The following CAB39L variants were observed in gnomAD, a reference collection of about 807,000 sequenced individuals.
CAB39L encodes calcium-binding protein 39-like.
Under a neutral mutation model 39.1 loss-of-function variants are expected in CAB39L, and 23 were observed. That is an observed-to-expected ratio of 0.59 (90% CI 0.42 to 0.83). The LOEUF is 0.83. Ranked by LOEUF, CAB39L falls within the 40% of genes least tolerant of loss-of-function variation. CAB39L has a pLI of 0.00. For missense variants in CAB39L, 366 were observed against 391.9 expected (o/e 0.93, Z 0.56); for synonymous variants, 126 against 137.2 (o/e 0.92, Z 0.57).
At chr13:49,331,911 G>C (rs773433800) in intron 10 of CAB39L, 36 bp downstream of exon 10, 10 of 1,604,788 alleles carry the variant, frequency 6.2e-6, no homozygotes, top group Non-Finnish European at 7.7e-6. Context: ...AAAAAAAATT[G>C]CCTACAACAT....
intron 9 of CAB39L, among the ~76,000 whole-genome samples, chr13:49,338,540 T>C (rs1047056195): frequency 2.0e-5 from 3 of 150,626 alleles, no homozygotes; most frequent in Non-Finnish European, 4.4e-5. Context: ...TTGGGAGATA[T>C]ACCTAATGCT....
chr13:49,316,665 C>T (rs554187320), intron 10 of CAB39L, among the ~76,000 whole-genome samples: 8 of 152,194 alleles, frequency 5.3e-5, no homozygotes, highest in African/African-American at 7.2e-5. Flanking sequence ...AAGGGTGGTT[C>T]AACATAAGCA....
chr13:49,332,123 T>C, intron 9 of CAB39L, 33 bp from the exon 10 acceptor site: 2 of 1,603,436 alleles, frequency 1.2e-6, no homozygotes, highest in Non-Finnish European at 1.7e-6. Context: ...AGCTGTAATC[T>C]CAGAGCCACC....
intron 10 of CAB39L, among the ~76,000 whole-genome samples, chr13:49,314,271 C>A (rs1323849173): frequency 6.6e-6 from 1 of 152,006 alleles, no homozygotes; most frequent in Non-Finnish European, 1.5e-5. Context: ...GTGTGTCCAC[C>A]AGCAAAGTTT....
At chr13:49,341,340 G>A (rs1298465686) in intron 8 of CAB39L, among the ~76,000 whole-genome samples, 3 of 151,528 alleles carry the variant, frequency 2.0e-5, no homozygotes, top group Non-Finnish European at 4.4e-5. Context: ...TGCAACCTCC[G>A]CCTCCCGGGT....
intron 3 of CAB39L, among the ~76,000 whole-genome samples, chr13:49,407,315 T>C (rs1956901277): frequency 6.6e-6 from 1 of 152,202 alleles, no homozygotes; most frequent in South Asian, 2.1e-4. Context: ...CTCCTCCACC[T>C]CAGCAGTCAT....
At chr13:49,375,221 C>T (rs1489274185) in intron 5 of CAB39L, among the ~76,000 whole-genome samples, 3 of 151,764 alleles carry the variant, frequency 2.0e-5, no homozygotes, top group African/African-American at 7.3e-5. Context: ...GCAGTAAGTT[C>T]GTATTATTCC....
intron 10 of CAB39L, among the ~76,000 whole-genome samples, chr13:49,313,520 T>C (rs1954061640): frequency 6.6e-6 from 1 of 151,524 alleles, no homozygotes; most frequent in Non-Finnish European, 1.5e-5. Context: ...AGGTCCTACC[T>C]CCCAGATACG....
In CAB39L at chr13:49,443,917, G is replaced by A. The variant is rs527566910; in HGVS notation, c.-246+69C>T. The A allele has an allele frequency of 3.1e-4, 143 of 456,662 alleles. 2 individuals carry two copies. The highest frequency in any genetic ancestry group is 1.9e-3 in the South Asian group (122 of 64,566). 28.3% of individuals were successfully genotyped at this position (456,662 alleles called of 1,614,324 possible). A position where few individuals can be genotyped will look rare whatever the true frequency, so the allele number is the denominator to read the frequency against. On this transcript the variant is annotated intron_variant, in intron 1 of 10. Coordinates refer to ENST00000409308, the MANE Select transcript of CAB39L (RefSeq NM_001079670.3). ...CCGGACCCCTCCACTACGGCCAGGC[G>A]CTATGTATGTTTTCAACCCCCAAGA... is the stretch of plus-strand genomic sequence containing the variant.
intron 3 of CAB39L, among the ~76,000 whole-genome samples, chr13:49,388,951 C>A (rs1307497479): frequency 6.6e-6 from 1 of 152,096 alleles, no homozygotes; most frequent in African/African-American, 2.4e-5. Flanking sequence ...ATCACCTCAC[C>A]CCAACAAAAG....
chr13:49,388,104 GAT>G (rs1422453180), intron 3 of CAB39L, among the ~76,000 whole-genome samples: 5 of 152,134 alleles, frequency 3.3e-5, no homozygotes, highest in African/African-American at 4.8e-5. Flanking sequence ...ATGAAGAAAA[GAT>G]ATAGAGTGTG....
intron 9 of CAB39L, among the ~76,000 whole-genome samples, chr13:49,337,202 A>G (rs1044989319): frequency 2.6e-5 from 4 of 152,352 alleles, no homozygotes; most frequent in East Asian, 3.9e-4. Flanking sequence ...GCATTGTTCT[A>G]TGAATGCCAT....
intron 5 of CAB39L, among the ~76,000 whole-genome samples, chr13:49,361,477 C>CAAAAAAAAA (rs33984866): frequency 3.3e-4 from 18 of 54,450 alleles, no homozygotes; most frequent in African/African-American, 4.8e-4. Context: ...GACTTCATCT[C>CAAAAAAAAA]AAAAAAAAAA....
chr13:49,438,808 T>C (rs370588501), intron 1 of CAB39L, among the ~76,000 whole-genome samples: 6 of 152,380 alleles, frequency 3.9e-5, no homozygotes, highest in African/African-American at 1.4e-4. Context: ...TTTCAACATA[T>C]GTTACATTTA....
chr13:49,431,415 A>C lies in CAB39L; in HGVS notation c.-32+1903T>G, dbSNP rs75343739. 6.1e-3 allele frequency among the ~76,000 whole-genome samples: 934 copies of C among 152,252 alleles called. 7 individuals are homozygous for C. The highest frequency in any genetic ancestry group is 0.02 in the African/African-American group (836 of 41,540). ...AAACGGTTTTAGCAGCTTCTTAAAA[A>C]ATAAAAAAAGGCTGGGCGTGGTGGC... is the stretch of plus-strand genomic sequence containing the variant. On this transcript the variant is annotated intron_variant, in intron 3 of 10. Coordinates refer to ENST00000409308, the MANE Select transcript of CAB39L (RefSeq NM_001079670.3).
chr13:49,435,438 G>A (rs1957393578), intron 1 of CAB39L, among the ~76,000 whole-genome samples: 1 of 152,094 alleles, frequency 6.6e-6, no homozygotes, highest in Non-Finnish European at 1.5e-5. Context: ...ATAACTTTTG[G>A]ATTTTGTTGA....
At position 49,339,681 on chromosome 13, in the gene CAB39L, A is replaced by G; in HGVS notation, c.686T>C (p.Leu229Ser). ...CTTAAAGAAATTTGATATTACCTTT[A>G]AAGACTGTCTCTTAGTAACATAATT... is the stretch of plus-strand genomic sequence containing the variant. ...SENYVTKRQS[L>S]KLLGELILDR... is the part of the protein sequence containing the mutation. The change falls in exon 9 of 11, where the codon TTA becomes TCA. Residue 229 changes from leucine to serine, a missense_variant. By Grantham distance (145) the Leu-to-Ser change is moderately radical. Coordinates refer to ENST00000409308, the MANE Select transcript of CAB39L (RefSeq NM_001079670.3). 1 of 1,571,768 alleles carries G rather than the reference A, an allele frequency of 6.4e-7. No individual in the cohort carries two copies. Among genetic ancestry groups the G allele is most frequent in the Non-Finnish European group, 8.6e-7 (1 of 1,162,828 alleles).
intron 1 of CAB39L, among the ~76,000 whole-genome samples, chr13:49,436,929 A>T (rs565405537): frequency 3.0e-4 from 46 of 151,762 alleles, no homozygotes; most frequent in African/African-American, 1.0e-3. Flanking sequence ...AAAATTTTTT[A>T]AAAACTTTTT....
intron 1 of CAB39L, among the ~76,000 whole-genome samples, chr13:49,436,422 T>C (rs903990757): frequency 6.6e-6 from 1 of 152,160 alleles, no homozygotes; most frequent in African/African-American, 2.4e-5. Flanking sequence ...TCACTTTCTA[T>C]TACTTTTTAA....
Sources: allele counts gnomAD v4.1 joint callset (sites outside exome capture counted in the v4.1 genomes callset), GRCh38; gene constraint gnomAD v4.1.1; transcripts MANE v1.5; gene names NCBI Gene and HGNC (gene_info 2026-07-23, HGNC 2026-07-21).